The following CFAP20DC variants were observed in gnomAD, a reference collection of about 807,000 sequenced individuals.
CFAP20DC encodes protein CFAP20DC.
In CFAP20DC, 84 loss-of-function variants were observed where a neutral mutation model predicts 101.7. That is an observed-to-expected ratio of 0.83 (90% CI 0.69 to 0.99). The LOEUF (loss-of-function observed/expected upper bound fraction) is 0.99. Among genes scored for constraint, CFAP20DC ranks in the 50% least tolerant of loss-of-function variants. The pLI is 0.00. For synonymous variants in CFAP20DC, 359 were observed against 351.2 expected (o/e 1.02, Z -0.25); for missense variants, 1,007 against 970.3 (o/e 1.04, Z -0.50).
chr3:58,755,347 T>G (rs536956674), intron 15 of CFAP20DC, among the ~76,000 whole-genome samples: 1 of 152,256 alleles, frequency 6.6e-6, no homozygotes, highest in Admixed American at 6.5e-5. Flanking sequence ...CACTGTTTAT[T>G]TAGGCTACTT....
chr3:58,995,975 AATCTATCTATCTATCTATCTATCT>A (rs10688272), intron 4 of CFAP20DC, among the ~76,000 whole-genome samples: 1 of 145,160 alleles, frequency 6.9e-6, no homozygotes, highest in Non-Finnish European at 1.5e-5. Flanking sequence ...CTGTATAATA[AATCTATCTATCTATCTATCTATCT>A]ATCTATCTAT....
intron 6 of CFAP20DC, among the ~76,000 whole-genome samples, chr3:58,909,053 G>A (rs553732452): frequency 6.6e-6 from 1 of 152,256 alleles, no homozygotes; most frequent in African/African-American, 2.4e-5. Context: ...AACCTATTCT[G>A]TGTGATACTA....
At chr3:58,956,614 C>A (rs2090654636) in intron 4 of CFAP20DC, among the ~76,000 whole-genome samples, 1 of 152,098 alleles carries the variant, frequency 6.6e-6, no homozygotes. Context: ...AACTTGCCAC[C>A]CTGAAGGGAA....
chr3:58,890,024 A>G (rs537608343), intron 6 of CFAP20DC, among the ~76,000 whole-genome samples: 109 of 147,862 alleles, frequency 7.4e-4, no homozygotes, highest in Middle Eastern at 3.4e-3. Context: ...CTATTCCACA[A>G]AGCCGCCATT....
At chr3:58,996,752 G>A (rs1576641266) in intron 4 of CFAP20DC, among the ~76,000 whole-genome samples, 2 of 152,346 alleles carry the variant, frequency 1.3e-5, no homozygotes, top group East Asian at 1.9e-4. Context: ...GAAGGAGAGT[G>A]CTGATTTATA....
intron 6 of CFAP20DC, among the ~76,000 whole-genome samples, chr3:58,906,911 G>A (rs76697151): frequency 0.01 from 1,546 of 152,230 alleles, 27 homozygotes; most frequent in African/African-American, 0.035. Flanking sequence ...CCTGGGCAAC[G>A]GAGTGAGATC....
At chr3:58,927,551 C>T (rs1172005357) in intron 5 of CFAP20DC, among the ~76,000 whole-genome samples, 1 of 152,150 alleles carries the variant, frequency 6.6e-6, no homozygotes, top group Non-Finnish European at 1.5e-5. Flanking sequence ...AAGGCAGGTT[C>T]AATGTTGAGA....
intron 5 of CFAP20DC, among the ~76,000 whole-genome samples, chr3:58,932,568 T>G (rs1443339451): frequency 2.6e-5 from 4 of 152,144 alleles, no homozygotes; most frequent in African/African-American, 9.7e-5. Flanking sequence ...GACTAACAGC[T>G]GTTCTCTCGG....
rs1310846206 is a variant in CFAP20DC, at chr3:58,913,056, T to A, written c.550+652A>T. The stretch of plus-strand genomic sequence containing the variant: ...CTTCCTTGCAGCATGCAACCTAGAC[T>A]CCACAGGACAGAAACAGCCACACCA... On this transcript the variant is annotated intron_variant, in intron 6 of 16. Coordinates refer to ENST00000482387, the MANE Select transcript of CFAP20DC (RefSeq NM_001394063.1). This position sits in a 1 kb window ranked among gnomAD's most constrained non-coding sequence, Gnocchi z 4.4. Among the ~76,000 whole-genome samples, 1 of 151,940 alleles carries A rather than the reference T, an allele frequency of 6.6e-6. No homozygotes were observed. The highest frequency in any genetic ancestry group is 2.4e-5 in the African/African-American group (1 of 41,362).
intron 12 of CFAP20DC, among the ~76,000 whole-genome samples, chr3:58,851,541 G>A (rs1195947480): frequency 6.6e-6 from 1 of 152,000 alleles, no homozygotes; most frequent in Non-Finnish European, 1.5e-5. Context: ...GTGCTCTCAA[G>A]AAAGGTCCAA....
intron 13 of CFAP20DC, among the ~76,000 whole-genome samples, chr3:58,841,146 A>T (rs1214750038): frequency 3.3e-5 from 5 of 152,266 alleles, no homozygotes; most frequent in African/African-American, 1.2e-4. Flanking sequence ...CTGCACAGTT[A>T]GCCAGGGCAA....
intron 4 of CFAP20DC, among the ~76,000 whole-genome samples, chr3:58,994,495 C>A (rs1046877660): frequency 6.6e-6 from 1 of 152,012 alleles, no homozygotes; most frequent in African/African-American, 2.4e-5. Flanking sequence ...AAGTAACTTG[C>A]CCAAGGCACC....
chr3:58,829,800 A>C (rs1251477337), intron 14 of CFAP20DC, among the ~76,000 whole-genome samples: 1 of 152,192 alleles, frequency 6.6e-6, no homozygotes, highest in Non-Finnish European at 1.5e-5. Flanking sequence ...GGCAACCAAG[A>C]GTTCAGCCTT....
chr3:58,832,702 G>A (rs2108063939), intron 13 of CFAP20DC, among the ~76,000 whole-genome samples: 1 of 152,122 alleles, frequency 6.6e-6, no homozygotes, highest in East Asian at 1.9e-4. Flanking sequence ...CATCTGTCAG[G>A]TACTTTTTGA....
chr3:58,775,752 T>TG (rs1357681093), intron 15 of CFAP20DC, among the ~76,000 whole-genome samples: 1 of 151,370 alleles, frequency 6.6e-6, no homozygotes, highest in East Asian at 1.9e-4. Context: ...TGTCTTTTTT[T>TG]TTTTTTTTTT....
At chr3:59,047,027 C>T in intron 2 of CFAP20DC, 138 bp downstream of exon 2, 1 of 624,730 alleles carries the variant, frequency 1.6e-6, no homozygotes, top group Non-Finnish European at 2.8e-6. Context: ...AGGACAGCTG[C>T]AGCCAACAAT....
chr3:58,863,643 A>G lies in CFAP20DC; in HGVS notation c.1508T>C (p.Ile503Thr). The G allele has an allele frequency of 6.2e-7, 1 of 1,614,192 alleles. No homozygotes were observed. The highest frequency in any genetic ancestry group is 1.1e-5 in the South Asian group (1 of 91,082). The change falls in exon 12 of 17, where the codon ATT (isoleucine) becomes ACT (threonine). Residue 503 changes from isoleucine (I) to threonine (T), a missense_variant. Coordinates refer to ENST00000482387, the MANE Select transcript of CFAP20DC (RefSeq NM_001394063.1). The surrounding 1 kb of genome is among the most constrained non-coding windows in gnomAD (Gnocchi z 5.9). ...QTMSPEELSF[I>T]LDLKEDNSVT... is the part of the protein sequence containing the mutation. ...ACTGTTATCCTCTTTTAGATCCAAA[A>G]TAAATGAGAGCTCCTCTGGGGACAT...
chr3:59,031,417 T>G (rs945012842), intron 4 of CFAP20DC, among the ~76,000 whole-genome samples: 2 of 151,882 alleles, frequency 1.3e-5, no homozygotes, highest in Non-Finnish European at 2.9e-5. Context: ...CTTCTTCCAT[T>G]TGGCAGGAAC....
rs189815676 is a variant in CFAP20DC at position 58,813,631 on chromosome 3, T to G, written c.2176-7175A>C. Among the ~76,000 whole-genome samples, 4 of 151,898 alleles carry G rather than the reference T, an allele frequency of 2.6e-5. No individual in the cohort carries two copies. The East Asian group carries it at 7.7e-4, about 29-fold the overall frequency. On this transcript the variant is annotated intron_variant, in intron 14 of 16. Transcript: ENST00000482387. ...ATTAAAAGAAGTCTCAAAATATTAA[T>G]GATGTAGGTGATGGGAATTCTTCAG...
Sources: allele counts gnomAD v4.1 joint callset (sites outside exome capture counted in the v4.1 genomes callset), GRCh38; gene constraint gnomAD v4.1.1; non-coding constraint Gnocchi (gnomAD v3.1); transcripts MANE v1.5; gene names NCBI Gene and HGNC (gene_info 2026-07-23, HGNC 2026-07-21).